EPO: variants seen among roughly 807,000 people sequenced by gnomAD.
The protein encoded by EPO is erythropoietin.
Under a neutral mutation model 24.4 loss-of-function variants are expected in EPO, and 12 were observed. The ratio of observed to expected loss-of-function variants is 0.49; its 90% CI spans 0.32 to 0.80. The LOEUF is 0.80. Among genes scored for constraint, EPO ranks in the 30% least tolerant of loss-of-function variants. The pLI is 0.04. For missense variants in EPO, 210 were observed against 238.0 expected (o/e 0.88, Z 0.77); for synonymous variants, 107 against 104.0 (o/e 1.03, Z -0.18).
At chr7:100,722,184 C>CA in intron 3 of EPO, 136 bp downstream of exon 3, 1 of 800,738 alleles carries the variant, frequency 1.2e-6, no homozygotes, top group South Asian at 1.9e-5. Context: ...CGCAGAGGCT[C>CA]ACGTCTATAA....
Position 100,722,963 on chromosome 7 carries a change from T to G in EPO, c.427-15T>G. ...TCTGTGGCACTGCAGCGACCTCCTGTTTTCTCCTTGGCAGAAGGAAGCCAT... is the reference window on the plus strand; with the variant it reads ...TCTGTGGCACTGCAGCGACCTCCTGGTTTCTCCTTGGCAGAAGGAAGCCAT... On this transcript the variant is annotated splice_polypyrimidine_tract_variant and intron_variant, in intron 4 of 4. Coordinates refer to ENST00000252723, the MANE Select transcript of EPO (RefSeq NM_000799.4). The G allele has an allele frequency of 6.2e-7, 1 of 1,613,538 alleles. No homozygotes were observed. Among genetic ancestry groups the G allele is most frequent in the South Asian group, 1.1e-5 (1 of 90,994 alleles).
Position 100,722,598 on chromosome 7 carries a change from G to C in EPO, c.247-66G>C. The C allele has an allele frequency of 2.1e-6, 3 of 1,405,246 alleles. No homozygotes were observed. In the South Asian group the frequency reaches 4.1e-5, roughly 19 times the overall value. 87.0% of individuals were successfully genotyped at this position (1,405,246 alleles called of 1,614,324 possible). ...CTGTTTGCTCAGCTTGGTGCTTGGG[G>C]CTGCTGAGGGGCAGGAGGGAGAGGG... is the stretch of plus-strand genomic sequence containing the variant. On this transcript the variant is annotated intron_variant, in intron 3 of 4. Coordinates refer to ENST00000252723, the MANE Select transcript of EPO (RefSeq NM_000799.4).
Position 100,721,853 on chromosome 7 carries a change from A to G in EPO, c.160-109A>G, listed in dbSNP as rs1471744227. 1.3e-6 allele frequency: 2 copies of G among 1,517,624 alleles called. No homozygotes were observed. The highest frequency in any genetic ancestry group is 8.9e-7 in the Non-Finnish European group (1 of 1,125,640). 94.0% of individuals were successfully genotyped at this position (1,517,624 alleles called of 1,614,324 possible). On this transcript the variant is annotated intron_variant, in intron 2 of 4. Coordinates refer to ENST00000252723, the MANE Select transcript of EPO (RefSeq NM_000799.4). The surrounding 1 kb of genome is among the most constrained non-coding windows in gnomAD (Gnocchi z 4.0). ...CATAAGAATAAGTCTGGTGGCCCCAAACCATACCTGGAAACTAGGCAAGGA... is the reference window on the plus strand; with the variant it reads ...CATAAGAATAAGTCTGGTGGCCCCAGACCATACCTGGAAACTAGGCAAGGA...
chr7:100,722,588 G>T, intron 3 of EPO, 76 bp from the exon 4 acceptor site: 1 of 1,278,784 alleles, frequency 7.8e-7, no homozygotes, highest in Non-Finnish European at 1.1e-6. Context: ...TGCTCAGCTT[G>T]GTGCTTGGGG....
At chr7:100,722,558 C>T (rs929229655) in intron 3 of EPO, 106 bp from the exon 4 acceptor site, 4 of 843,796 alleles carry the variant, frequency 4.7e-6, no homozygotes, top group Non-Finnish European at 7.5e-6. Flanking sequence ...TTCAACAAGT[C>T]TTATTGCATA....
intron 3 of EPO, 136 bp from the exon 4 acceptor site, chr7:100,722,528 C>CTCAT (rs1192678959): frequency 2.6e-5 from 9 of 351,884 alleles, no homozygotes; most frequent in South Asian, 1.7e-4. Flanking sequence ...CACTCACTCA[C>CTCAT]TCATTCATTC....
At chr7:100,722,584 G>C in intron 3 of EPO, 80 bp from the exon 4 acceptor site, 1 of 1,243,276 alleles carries the variant, frequency 8.0e-7, no homozygotes, top group Non-Finnish European at 1.1e-6. Flanking sequence ...TGTTTGCTCA[G>C]CTTGGTGCTT....
At position 100,723,220 on chromosome 7, in the gene EPO, C is replaced by A. The variant is rs948537420; in HGVS notation, c.*87C>A. 67 of 1,503,414 alleles carry A rather than the reference C, an allele frequency of 4.5e-5. No homozygotes were observed. Among genetic ancestry groups the A allele is most frequent in the Non-Finnish European group, 5.6e-5 (62 of 1,103,204 alleles). 93.1% of individuals were successfully genotyped at this position (1,503,414 alleles called of 1,614,324 possible). A position where few individuals can be genotyped will look rare whatever the true frequency, so the allele number is the denominator to read the frequency against. ...CTCCCCCGCCACTCCTGAACCCCGTCGAGGGGCTCTCAGCTCAGCGCCAGC... is the reference window on the plus strand; with the variant it reads ...CTCCCCCGCCACTCCTGAACCCCGTAGAGGGGCTCTCAGCTCAGCGCCAGC... On this transcript the variant is annotated 3_prime_UTR_variant, in exon 5 of 5. Transcript: ENST00000252723.
Position 100,722,055 on chromosome 7 carries a change from TC to T in EPO, c.246+9del. The T allele has an allele frequency of 1.3e-6, 2 of 1,558,982 alleles. No homozygotes were observed. The highest frequency in any genetic ancestry group is 1.7e-6 in the Non-Finnish European group (2 of 1,155,324). On this transcript the variant is annotated splice_region_variant and intron_variant, in intron 3 of 4. Transcript: ENST00000252723. ...TGCCTGGAAGAGGATGGAGGTGAGT[TC>T]CTTTTTTTTTTTTTTTCCTTTCTTT... is the stretch of plus-strand genomic sequence containing the variant.
Position 100,723,303 on chromosome 7 carries a change from C to A in EPO, c.*170C>A. ...CATCTCAGGGGCCAGAGGAACTGTC[C>A]AGAGAGCAACTCTGAGATCTAAGGA... On this transcript the variant is annotated 3_prime_UTR_variant, in exon 5 of 5. Coordinates refer to ENST00000252723, the MANE Select transcript of EPO (RefSeq NM_000799.4). The A allele has an allele frequency of 1.4e-6, 1 of 736,756 alleles. No individual in the cohort carries two copies. Among genetic ancestry groups the A allele is most frequent in the Non-Finnish European group, 2.2e-6 (1 of 463,366 alleles). 45.6% of individuals were successfully genotyped at this position (736,756 alleles called of 1,614,324 possible).
Position 100,721,424 on chromosome 7 carries a change from C to A in EPO, c.14-134C>A. The A allele has an allele frequency of 8.6e-7, 1 of 1,169,520 alleles. No homozygotes were observed. Among genetic ancestry groups the A allele is most frequent in the Non-Finnish European group, 1.2e-6 (1 of 839,072 alleles). 72.4% of individuals were successfully genotyped at this position (1,169,520 alleles called of 1,614,324 possible). On this transcript the variant is annotated intron_variant, in intron 1 of 4. Transcript: ENST00000252723. The surrounding 1 kb of genome is among the most constrained non-coding windows in gnomAD (Gnocchi z 4.0). ...CAGGATTGAATGAAGGCCAGGGAGG[C>A]AGCACCTGAGTGCTTGCATGGTTGG...
In EPO at chr7:100,722,805, CGCAGCCTCACCACTCT is replaced by C; in HGVS notation, c.391_406del (p.Ser131PhefsTer45). 1 of 1,613,970 alleles carries C rather than the reference CGCAGCCTCACCACTCT, an allele frequency of 6.2e-7. No homozygotes were observed. Among genetic ancestry groups the C allele is most frequent in the Non-Finnish European group, 8.5e-7 (1 of 1,179,994 alleles). ...TGTGGATAAAGCCGTCAGTGGCCTTCGCAGCCTCACCACTCTGCTTCGGGCTCTGGGAGCCCAGGTG... is the reference window on the plus strand; with the variant it reads ...TGTGGATAAAGCCGTCAGTGGCCTTCGCTTCGGGCTCTGGGAGCCCAGGTG... On this transcript the variant is annotated frameshift_variant, in exon 4 of 5. Coordinates refer to ENST00000252723, the MANE Select transcript of EPO (RefSeq NM_000799.4). LOFTEE classifies it high-confidence loss of function.
rs112363946 is a variant in EPO, at chr7:100,722,512, C to T, written c.247-152C>T. ...ATGGAATACATTCATTATTCATTCA[C>T]TCACTCACTCACTCACTCATTCATT... is the stretch of plus-strand genomic sequence containing the variant. On this transcript the variant is annotated intron_variant, in intron 3 of 4. Transcript: ENST00000252723. 1.5e-3 allele frequency: 23 copies of T among 15,130 alleles called. 8 individuals carry two copies. The highest frequency in any genetic ancestry group is 5.3e-3 in the Admixed American group (2 of 376). The allele number at this position is 15,130 out of a possible 1,614,324, so 0.9% of individuals were successfully genotyped here. A position where few individuals can be genotyped will look rare whatever the true frequency, so the allele number is the denominator to read the frequency against.
chr7:100,721,061 G>C lies in EPO; in HGVS notation c.13+68G>C. 6.7e-7 allele frequency: 1 copy of C among 1,489,954 alleles called. No individual in the cohort carries two copies. Among genetic ancestry groups the C allele is most frequent in the Non-Finnish European group, 8.9e-7 (1 of 1,118,278 alleles). The allele number at this position is 1,489,954 out of a possible 1,614,324, so 92.3% of individuals were successfully genotyped here. A position where few individuals can be genotyped will look rare whatever the true frequency, so the allele number is the denominator to read the frequency against. On this transcript the variant is annotated intron_variant, in intron 1 of 4. Coordinates refer to ENST00000252723, the MANE Select transcript of EPO (RefSeq NM_000799.4). This position sits in a 1 kb window ranked among gnomAD's most constrained non-coding sequence, Gnocchi z 4.0. Reference sequence around the variant, plus strand: ...TGTTTGAGCGGGGATTTAGCGCCCCGGCTATTGGCCAGGAGGTGGCTGGGT... The same window carrying C: ...TGTTTGAGCGGGGATTTAGCGCCCCCGCTATTGGCCAGGAGGTGGCTGGGT...
chr7:100,721,934 T>C lies in EPO; in HGVS notation c.160-28T>C, dbSNP rs1806746580. ...CCAGGGCCAGAGCCTTCAGGGACCC[T>C]TGACTCCCCGGGCTGTGTGCATTTC... On this transcript the variant is annotated intron_variant, in intron 2 of 4. Coordinates refer to ENST00000252723, the MANE Select transcript of EPO (RefSeq NM_000799.4). This position sits in a 1 kb window ranked among gnomAD's most constrained non-coding sequence, Gnocchi z 4.0. The C allele has an allele frequency of 6.3e-7, 1 of 1,593,394 alleles. No individual in the cohort carries two copies.
Position 100,721,479 on chromosome 7 carries a change from GT to G in EPO, c.14-78del. On this transcript the variant is annotated intron_variant, in intron 1 of 4. Transcript: ENST00000252723. This position sits in a 1 kb window ranked among gnomAD's most constrained non-coding sequence, Gnocchi z 4.0. ...AGGAAGGACGAGCTGGGGCAGAGAC[GT>G]GGGGATGAAGGAAGCTGTCCTTCCA... 1 of 1,550,336 alleles carries G rather than the reference GT, an allele frequency of 6.5e-7. No individual in the cohort carries two copies. The highest frequency in any genetic ancestry group is 8.7e-7 in the Non-Finnish European group (1 of 1,143,978).
In EPO at chr7:100,721,463, G is replaced by T. The variant is rs1806738316; in HGVS notation, c.14-95G>T. Reference sequence around the variant, plus strand: ...TTGCATGGTTGGGGACAGGAAGGACGAGCTGGGGCAGAGACGTGGGGATGA... The same window carrying T: ...TTGCATGGTTGGGGACAGGAAGGACTAGCTGGGGCAGAGACGTGGGGATGA... On this transcript the variant is annotated intron_variant, in intron 1 of 4. Transcript: ENST00000252723. The surrounding 1 kb of genome is among the most constrained non-coding windows in gnomAD (Gnocchi z 4.0). 6.6e-7 allele frequency: 1 copy of T among 1,504,748 alleles called. No individual in the cohort carries two copies. The allele number at this position is 1,504,748 out of a possible 1,614,324, so 93.2% of individuals were successfully genotyped here.
chr7:100,723,605 G>GA lies in EPO; in HGVS notation c.*474dup, dbSNP rs1806787408. Reference sequence around the variant, plus strand: ...AGCCCCCTTGACACCGGGGTGGTGGGAACCATGAAGACAGGATGGGGGCTG... The same window carrying GA: ...AGCCCCCTTGACACCGGGGTGGTGGGAAACCATGAAGACAGGATGGGGGCTG... On this transcript the variant is annotated 3_prime_UTR_variant, in exon 5 of 5. Coordinates refer to ENST00000252723, the MANE Select transcript of EPO (RefSeq NM_000799.4). 6.5e-6 allele frequency: 1 copy of GA among 154,740 alleles called. No homozygotes were observed. The highest frequency in any genetic ancestry group is 1.4e-5 in the Non-Finnish European group (1 of 69,842). The allele number at this position is 154,740 out of a possible 1,614,324, so 9.6% of individuals were successfully genotyped here.
chr7:100,722,641 C>T (rs1444065338), intron 3 of EPO, 23 bp from the exon 4 acceptor site: 2 of 1,562,908 alleles, frequency 1.3e-6, no homozygotes, highest in East Asian at 2.2e-5. Context: ...GGTCAGCTGA[C>T]TCCCAGAGTC....
Sources: gnomAD v4.1 joint callset for allele counts on GRCh38, gnomAD v4.1.1 for gene constraint, Gnocchi (gnomAD v3.1) non-coding constraint, MANE v1.5 for transcripts, NCBI Gene and HGNC (gene_info 2026-07-23, HGNC 2026-07-21) for gene names.